Variants in IQSEC1 observed in about 807,000 individuals in gnomAD.
IQSEC1 encodes the protein IQ motif and SEC7 domain-containing protein 1.
Under a neutral mutation model 91.0 loss-of-function variants are expected in IQSEC1, and 31 were observed. The ratio of observed to expected loss-of-function variants is 0.34; its 90% confidence interval spans 0.26 to 0.46. The LOEUF (loss-of-function observed/expected upper bound fraction) is 0.46. Among genes scored for constraint, IQSEC1 ranks in the 20% least tolerant of loss-of-function variants. IQSEC1 has a pLI of 1.00. For missense variants in IQSEC1, 1,388 were observed against 1,575.6 expected (o/e 0.88, Z 2.02); for synonymous variants, 699 against 662.6 (o/e 1.05, Z -0.84).
chr3:13,092,103 T>C (rs937091743), intron 2 of IQSEC1, among the ~76,000 whole-genome samples: 1 of 152,056 alleles, frequency 6.6e-6, no homozygotes, highest in African/African-American at 2.4e-5. Flanking sequence ...TCAATTGCCC[T>C]GCACTGTGCA....
chr3:13,277,108 A>T (rs1695699108), intron 1 of IQSEC1, among the ~76,000 whole-genome samples: 4 of 23,352 alleles, frequency 1.7e-4, no homozygotes, highest in African/African-American at 6.8e-4. Flanking sequence ...CTCCTCCTTA[A>T]AAAAAAAAAA....
intron 1 of IQSEC1, among the ~76,000 whole-genome samples, chr3:13,166,806 G>A (rs1399193419): frequency 6.6e-6 from 1 of 152,214 alleles, no homozygotes; most frequent in African/African-American, 2.4e-5. Context: ...GGAAGTGTCT[G>A]CTGTGGGAAG....
Position 13,189,320 on chromosome 3 carries a change from C to T in IQSEC1, c.273-25187G>A, listed in dbSNP as rs570480841. The stretch of plus-strand genomic sequence containing the variant: ...GAACTGGTTACCAGCCCAGGGAATG[C>T]TGACCCAGCCCTGGGGTGAACCCCA... On this transcript the variant is annotated intron_variant, in intron 1 of 15. Transcript: ENST00000648114. Among the ~76,000 whole-genome samples the T allele has an allele frequency of 2.6e-5, 4 of 152,376 alleles. No individual in the cohort carries two copies. In the East Asian group the frequency reaches 5.8e-4, roughly 22 times the overall value.
chr3:12,911,663 C>G lies in IQSEC1; in HGVS notation c.2382G>C (p.Leu794Phe). The G allele has an allele frequency of 6.2e-7, 1 of 1,613,990 alleles. No homozygotes were observed. The highest frequency in any genetic ancestry group is 8.5e-7 in the Non-Finnish European group (1 of 1,179,990). Residue 794 changes from leucine (L) to phenylalanine (F), a missense_variant, in exon 10 of 14, where the codon TTG becomes TTC. This residue lies in a region of IQSEC1 where 1,059 missense variants were observed against 1,317.8 expected (regional missense o/e 0.80). Transcript: ENST00000613206. ...VTYSFRQSFS[L>F]YGMQVLLFEN... ...CGAAGAGCAGGACCTGCATGCCGTACAAGGAGAAGGACTGTCGGAAGCTGT... is the reference window on the plus strand; with the variant it reads ...CGAAGAGCAGGACCTGCATGCCGTAGAAGGAGAAGGACTGTCGGAAGCTGT...
At chr3:13,002,480 G>T (rs1472762380) in intron 1 of IQSEC1, among the ~76,000 whole-genome samples, 1 of 151,112 alleles carries the variant, frequency 6.6e-6, no homozygotes, top group African/African-American at 2.4e-5. Flanking sequence ...CCAGGAGTTC[G>T]AGACTGTAGG....
chr3:13,265,513 A>C (rs995956411), intron 1 of IQSEC1, among the ~76,000 whole-genome samples: 3 of 152,134 alleles, frequency 2.0e-5, no homozygotes, highest in African/African-American at 7.2e-5. Flanking sequence ...AACCAAATAC[A>C]CGAACACAGA....
chr3:13,156,845 G>A (rs1485288283), intron 2 of IQSEC1, among the ~76,000 whole-genome samples: 1 of 152,210 alleles, frequency 6.6e-6, no homozygotes, highest in African/African-American at 2.4e-5. Flanking sequence ...GTTCTAGGCT[G>A]AGGGAACAGC....
At chr3:13,144,870 C>T (rs181713096) in intron 2 of IQSEC1, among the ~76,000 whole-genome samples, 129 of 152,298 alleles carry the variant, frequency 8.5e-4, no homozygotes, top group Non-Finnish European at 1.7e-3. Context: ...GCGCTTGGGC[C>T]GAAGCGAATC....
chr3:13,087,414 G>A (rs1705755159), intron 2 of IQSEC1, among the ~76,000 whole-genome samples: 1 of 152,182 alleles, frequency 6.6e-6, no homozygotes, highest in South Asian at 2.1e-4. Flanking sequence ...GTGTGCAGGA[G>A]GTCTGCAGAC....
At chr3:13,032,585 ATTTT>A (rs138670438) in intron 1 of IQSEC1, among the ~76,000 whole-genome samples, 17,786 of 145,344 alleles carry the variant, frequency 0.12, 1,359 homozygotes, top group East Asian at 0.24. Flanking sequence ...AGCTTTAAAC[ATTTT>A]TTTTTTTTTT....
At chr3:13,069,390 G>GGT (rs1553563391) in intron 1 of IQSEC1, among the ~76,000 whole-genome samples, 7 of 151,338 alleles carry the variant, frequency 4.6e-5, no homozygotes, top group East Asian at 2.0e-4. Flanking sequence ...GTTTCTTGGA[G>GGT]GTGTGTGTGT....
At chr3:13,256,354 A>G (rs984321604) in intron 1 of IQSEC1, among the ~76,000 whole-genome samples, 1 of 152,246 alleles carries the variant, frequency 6.6e-6, no homozygotes, top group Non-Finnish European at 1.5e-5. Context: ...TCTTTTAACC[A>G]TAAAAAAATC....
At chr3:13,139,673 G>A (rs165437) in intron 2 of IQSEC1, among the ~76,000 whole-genome samples, 71,797 of 152,158 alleles carry the variant, frequency 0.47, 17,945 homozygotes, top group Admixed American at 0.58. Context: ...GTTCTCAGAA[G>A]TCTTGGTTAC....
In IQSEC1 at chr3:13,008,376, C is replaced by T. The variant is rs1043515062; in HGVS notation, c.23+64616G>A. ...CAGGCTGTCCACTGTCCAACCCAGA[C>T]GTCCTCTCTGAGAGTGCTGCCATTA... On this transcript the variant is annotated intron_variant, in intron 1 of 13. Transcript: ENST00000613206. This position sits in a 1 kb window ranked among gnomAD's most constrained non-coding sequence, Gnocchi z 4.1. 5.3e-5 allele frequency among the ~76,000 whole-genome samples: 8 copies of T among 152,306 alleles called. No homozygotes were observed. In the South Asian group the frequency reaches 1.0e-3, roughly 20 times the overall value.
Position 12,936,116 on chromosome 3 carries a change from G to A in IQSEC1, c.900C>T (p.Pro300=). The change falls in exon 3 of 14, where the codon CCC becomes CCT. Residue 300 remains proline (P), a synonymous_variant. Transcript: ENST00000613206. ...TLYIDEEELS[P]PLPLSQAGDR... ...CCCCTGCCTGCGAGAGGGGCAGAGG[G>A]GGCGACAGCTCCTCCTCATCGATGT... 1.2e-6 allele frequency: 2 copies of A among 1,611,750 alleles called. No homozygotes were observed. Among genetic ancestry groups the A allele is most frequent in the East Asian group, 2.2e-5 (1 of 44,868 alleles).
chr3:12,914,769 G>A (rs1695910624), intron 8 of IQSEC1, among the ~76,000 whole-genome samples: 1 of 152,112 alleles, frequency 6.6e-6, no homozygotes. Flanking sequence ...TGGGGCATGG[G>A]ATGTGGGGGA....
intron 1 of IQSEC1, among the ~76,000 whole-genome samples, chr3:13,047,789 A>C (rs902323704): frequency 2.0e-5 from 3 of 152,142 alleles, no homozygotes; most frequent in Non-Finnish European, 4.4e-5. Context: ...ACTGAGGCTC[A>C]AGGAGAGGAA....
At chr3:13,239,880 G>A (rs2125101464) in intron 1 of IQSEC1, among the ~76,000 whole-genome samples, 1 of 152,328 alleles carries the variant, frequency 6.6e-6, no homozygotes, top group East Asian at 1.9e-4. Flanking sequence ...CTGCGGGTGG[G>A]GAGTGAGGAG....
chr3:13,185,572 A>G (rs149026982), intron 1 of IQSEC1, among the ~76,000 whole-genome samples: 6 of 152,310 alleles, frequency 3.9e-5, no homozygotes, highest in Non-Finnish European at 8.8e-5. Flanking sequence ...GATTACTTCC[A>G]CAAACACAGG....
Sources: allele counts gnomAD v4.1 joint callset (sites outside exome capture counted in the v4.1 genomes callset), GRCh38; gene constraint gnomAD v4.1.1; regional missense constraint gnomAD v4.1.1; non-coding constraint Gnocchi (gnomAD v3.1); transcripts MANE v1.5; gene names NCBI Gene and HGNC (gene_info 2026-07-23, HGNC 2026-07-21).